Variants in PSPH observed in about 807,000 individuals in gnomAD.
The protein encoded by PSPH is phosphoserine phosphatase, also known as L-3-phosphoserine phosphatase.
PSPH carries 16 observed loss-of-function variants against 23.4 expected under a neutral mutation model. The ratio of observed to expected loss-of-function variants is 0.68; its 90% CI spans 0.46 to 1.04. PSPH has a LOEUF of 1.04. PSPH is among the 50% of genes least tolerant of loss of function. The pLI is 0.00. For missense variants in PSPH, 223 were observed against 273.7 expected (o/e 0.81, Z 1.31); for synonymous variants, 68 against 99.7 (o/e 0.68, Z 1.89).
intron 1 of PSPH, among the ~76,000 whole-genome samples, chr7:56,038,537 G>C (rs1176388840): frequency 6.6e-6 from 1 of 151,974 alleles, no homozygotes; most frequent in Non-Finnish European, 1.5e-5. Flanking sequence ...ACACTCAGGA[G>C]AAACTTGCAT....
rs552281931 is a variant in PSPH, at chr7:56,020,648, A to T, written c.140+425T>A. Among the ~76,000 whole-genome samples the T allele has an allele frequency of 2.6e-5, 4 of 151,386 alleles. No homozygotes were observed. In the East Asian group the frequency reaches 7.8e-4, roughly 30 times the overall value. On this transcript the variant is annotated intron_variant, in intron 4 of 7. Coordinates refer to ENST00000275605, the MANE Select transcript of PSPH (RefSeq NM_004577.4). The stretch of plus-strand genomic sequence containing the variant: ...TCGAAAAAAAAAAAAAGAAAATGAC[A>T]TGGTGCATGACTGGGGGACTGGGAC...
chr7:56,023,525 A>C (rs1437725817), intron 3 of PSPH, among the ~76,000 whole-genome samples: 4 of 151,980 alleles, frequency 2.6e-5, no homozygotes, highest in African/African-American at 9.7e-5. Context: ...GGTCTCCCAA[A>C]TTGCTGGGAT....
intron 3 of PSPH, among the ~76,000 whole-genome samples, chr7:56,024,901 T>C (rs936877898): frequency 2.0e-5 from 3 of 151,002 alleles, no homozygotes; most frequent in Non-Finnish European, 4.4e-5. Context: ...CCTCCCAGGT[T>C]CAAGTGATTC....
intron 4 of PSPH, 149 bp downstream of exon 4, chr7:56,020,924 A>C: frequency 3.5e-6 from 3 of 864,576 alleles, no homozygotes; most frequent in Non-Finnish European, 3.6e-6. Flanking sequence ...TATTTATATA[A>C]ATGAATGAAT....
chr7:56,035,507 T>C (rs1179767697), intron 1 of PSPH, among the ~76,000 whole-genome samples: 2 of 152,174 alleles, frequency 1.3e-5, no homozygotes, highest in Non-Finnish European at 1.5e-5. Context: ...GCTGACAGTC[T>C]GCACTCCAGG....
intron 3 of PSPH, among the ~76,000 whole-genome samples, chr7:56,029,256 C>T (rs892583218): frequency 2.0e-4 from 30 of 152,106 alleles, no homozygotes; most frequent in African/African-American, 7.0e-4. Context: ...GAATTCCACA[C>T]ACAGAAAAAT....
At chr7:56,046,079 G>A (rs573311833) in intron 1 of PSPH, among the ~76,000 whole-genome samples, 4 of 151,974 alleles carry the variant, frequency 2.6e-5, no homozygotes, top group Non-Finnish European at 5.9e-5. Context: ...CACAGCTAAG[G>A]AACACTCAGC....
chr7:56,023,749 C>T (rs1306130366), intron 3 of PSPH, among the ~76,000 whole-genome samples: 1 of 152,054 alleles, frequency 6.6e-6, no homozygotes, highest in Non-Finnish European at 1.5e-5. Context: ...CACTGCTCAA[C>T]TGATTTCCAA....
chr7:56,039,960 G>A lies in PSPH; in HGVS notation c.-291-5854C>T, dbSNP rs374278213. On this transcript the variant is annotated intron_variant, in intron 1 of 7. Transcript: ENST00000275605. The stretch of plus-strand genomic sequence containing the variant: ...AAAAATACAAAAAAATTAGCTGGGC[G>A]TGGTGGCGGGCGCCTGTAGTCCCAG... 2.0e-4 allele frequency among the ~76,000 whole-genome samples: 30 copies of A among 151,836 alleles called. No homozygotes were observed. The East Asian group carries it at 3.3e-3, about 17-fold the overall frequency.
chr7:56,030,290 A>G (rs1218666756), intron 3 of PSPH, among the ~76,000 whole-genome samples: 1 of 151,760 alleles, frequency 6.6e-6, no homozygotes, highest in Non-Finnish European at 1.5e-5. Flanking sequence ...TTGTATTTTT[A>G]GTGGAGATGG....
At chr7:56,042,555 G>A (rs1053460564) in intron 1 of PSPH, among the ~76,000 whole-genome samples, 2 of 151,964 alleles carry the variant, frequency 1.3e-5, no homozygotes, top group African/African-American at 4.8e-5. Context: ...GGAGGCTGAG[G>A]CAGGAGGAAA....
chr7:56,032,126 C>A (rs1386646706), intron 2 of PSPH, 72 bp from the exon 3 acceptor site: 1 of 152,194 alleles, frequency 6.6e-6, no homozygotes, highest in African/African-American at 2.4e-5. Flanking sequence ...ACTGGCTTCA[C>A]TCTCTCTCCT....
chr7:56,041,463 G>A (rs577224044), intron 1 of PSPH, among the ~76,000 whole-genome samples: 1 of 151,860 alleles, frequency 6.6e-6, no homozygotes, highest in Admixed American at 6.6e-5. Context: ...TGCCCGCCTA[G>A]GCCTCCCGAA....
intron 1 of PSPH, among the ~76,000 whole-genome samples, chr7:56,034,343 C>A (rs1791439359): frequency 6.6e-6 from 1 of 152,178 alleles, no homozygotes; most frequent in Non-Finnish European, 1.5e-5. Context: ...CCTTCAGAAG[C>A]TGCTCCGCGC....
chr7:56,039,765 A>C (rs1453528129), intron 1 of PSPH, among the ~76,000 whole-genome samples: 2 of 128,366 alleles, frequency 1.6e-5, no homozygotes, highest in African/African-American at 6.1e-5. Flanking sequence ...ACAGAGAAAG[A>C]CTCTGTCTCA....
intron 1 of PSPH, among the ~76,000 whole-genome samples, chr7:56,050,528 A>G (rs1157491612): frequency 6.6e-6 from 1 of 152,138 alleles, no homozygotes; most frequent in Non-Finnish European, 1.5e-5. Flanking sequence ...ATCCTCCCAA[A>G]GTGCTGGGAT....
chr7:56,034,769 G>A (rs551866516), intron 1 of PSPH, among the ~76,000 whole-genome samples: 1 of 152,276 alleles, frequency 6.6e-6, no homozygotes, highest in South Asian at 2.1e-4. Context: ...GCCCGCCTTG[G>A]CCTCCCAAAG....
At chr7:56,029,827 A>G (rs1584449787) in intron 3 of PSPH, among the ~76,000 whole-genome samples, 1 of 152,006 alleles carries the variant, frequency 6.6e-6, no homozygotes, top group East Asian at 1.9e-4. Context: ...AAATTTGTTC[A>G]GGTCCCCGGG....
At chr7:56,048,305 AAT>A (rs1793523545) in intron 1 of PSPH, among the ~76,000 whole-genome samples, 1 of 151,880 alleles carries the variant, frequency 6.6e-6, no homozygotes, top group Non-Finnish European at 1.5e-5. Flanking sequence ...AAAAAAAAAA[AAT>A]CATAAGGAAA....
Sources: allele counts gnomAD v4.1 joint callset (sites outside exome capture counted in the v4.1 genomes callset), GRCh38; gene constraint gnomAD v4.1.1; transcripts MANE v1.5; gene names NCBI Gene and HGNC (gene_info 2026-07-23, HGNC 2026-07-21).